Variants in MAN1C1 observed in about 807,000 individuals in gnomAD.
MAN1C1 encodes the protein mannosidase alpha class 1C member 1.
MAN1C1 carries 49 observed loss-of-function variants against 71.5 expected under a neutral mutation model. The ratio of observed to expected loss-of-function variants is 0.69; its 90% CI spans 0.54 to 0.87. MAN1C1 has a LOEUF of 0.87. MAN1C1 is among the 40% of genes least tolerant of loss of function. The pLI is 0.00. For synonymous variants in MAN1C1, 352 were observed against 343.7 expected (o/e 1.02, Z -0.27); for missense variants, 743 against 835.0 (o/e 0.89, Z 1.36).
In MAN1C1 at chr1:25,746,670, G is replaced by C; in HGVS notation, c.640G>C (p.Gly214Arg). 1 of 1,611,896 alleles carries C rather than the reference G, an allele frequency of 6.2e-7. No homozygotes were observed. The highest frequency in any genetic ancestry group is 8.5e-7 in the Non-Finnish European group (1 of 1,177,998). The change falls in exon 3 of 12, where the codon GGC (glycine) becomes CGC (arginine). Residue 214 changes from glycine (G) to arginine (R), a missense_variant and splice_region_variant. Coordinates refer to ENST00000374332, the MANE Select transcript of MAN1C1 (RefSeq NM_020379.4). This position sits in a 1 kb window ranked among gnomAD's most constrained non-coding sequence, Gnocchi z 4.0. The part of the protein sequence containing the change: ...KDGYEGNMFG[G>R]LSGATVIDSL... ...CCCTCAATGCTCTGTGCCTGCAGGA[G>C]GCCTCAGCGGGGCAACAGTCATTGA...
intron 9 of MAN1C1, among the ~76,000 whole-genome samples, chr1:25,780,054 A>G (rs2047672401): frequency 6.6e-6 from 1 of 152,164 alleles, no homozygotes; most frequent in South Asian, 2.1e-4. Flanking sequence ...ATCCAGGGTC[A>G]AGTCCCAACT....
chr1:25,669,018 C>T (rs911395368), intron 1 of MAN1C1, among the ~76,000 whole-genome samples: 2 of 152,100 alleles, frequency 1.3e-5, no homozygotes, highest in South Asian at 2.1e-4. Flanking sequence ...TGAAAGAGTC[C>T]GGGTGAGCCA....
chr1:25,684,392 C>T (rs576109274), intron 1 of MAN1C1, among the ~76,000 whole-genome samples: 3 of 152,304 alleles, frequency 2.0e-5, no homozygotes, highest in South Asian at 2.1e-4. Context: ...GTTACCATGA[C>T]GTTTGCTTGT....
At chr1:25,783,552 C>T (rs2047726095) in intron 11 of MAN1C1, 111 bp from the exon 12 acceptor site, 5 of 1,278,188 alleles carry the variant, frequency 3.9e-6, no homozygotes, top group Non-Finnish European at 5.5e-6. Flanking sequence ...AGGCTCCAGA[C>T]CTTGACCATA....
intron 1 of MAN1C1, among the ~76,000 whole-genome samples, chr1:25,677,813 A>G (rs2046090468): frequency 8.0e-6 from 1 of 124,958 alleles, no homozygotes; most frequent in Non-Finnish European, 1.6e-5. Context: ...TTGCTGGGTG[A>G]CCTTCTCTCT....
intron 6 of MAN1C1, among the ~76,000 whole-genome samples, chr1:25,762,437 T>C (rs2047374024): frequency 1.4e-5 from 1 of 69,224 alleles, no homozygotes. Context: ...CTATACCACA[T>C]TTTCTTTTCT....
At chr1:25,680,209 C>T (rs961284351) in intron 1 of MAN1C1, among the ~76,000 whole-genome samples, 2 of 151,790 alleles carry the variant, frequency 1.3e-5, no homozygotes, top group Non-Finnish European at 2.9e-5. Context: ...ATTACAGGCA[C>T]CTGCCACCAC....
chr1:25,681,222 G>A (rs1486200366), intron 1 of MAN1C1, among the ~76,000 whole-genome samples: 5 of 138,646 alleles, frequency 3.6e-5, no homozygotes, highest in South Asian at 2.2e-4. Context: ...GCAATACTCC[G>A]TCTCAAAAAA....
At chr1:25,620,965 G>A (rs950724874) in intron 1 of MAN1C1, among the ~76,000 whole-genome samples, 1 of 152,226 alleles carries the variant, frequency 6.6e-6, no homozygotes, top group Admixed American at 6.5e-5. Context: ...TTGGAACCTT[G>A]GCAAAAGCAA....
intron 11 of MAN1C1, among the ~76,000 whole-genome samples, 193 bp from the exon 12 acceptor site, chr1:25,783,470 T>C (rs2047724724): frequency 6.6e-6 from 1 of 152,040 alleles, no homozygotes; most frequent in Non-Finnish European, 1.5e-5. Context: ...GCTCAAGGCT[T>C]TTCTCTGCAG....
At chr1:25,780,550 G>A (rs1394788666) in intron 9 of MAN1C1, among the ~76,000 whole-genome samples, 1 of 152,080 alleles carries the variant, frequency 6.6e-6, no homozygotes, top group African/African-American at 2.4e-5. Flanking sequence ...TTTAACCCTC[G>A]GTTCCCCAGA....
intron 1 of MAN1C1, among the ~76,000 whole-genome samples, chr1:25,632,865 A>ATTTTTTTTTT (rs33924292): frequency 8.8e-6 from 1 of 113,102 alleles, no homozygotes. Context: ...TACAATTTTG[A>ATTTTTTTTTT]TTTTTTTTTT....
At chr1:25,712,782 C>T (rs747339566) in intron 2 of MAN1C1, among the ~76,000 whole-genome samples, 1 of 152,192 alleles carries the variant, frequency 6.6e-6, no homozygotes, top group Admixed American at 6.5e-5. Flanking sequence ...TAGGCTCCTG[C>T]ATGGCGGTGG....
At chr1:25,736,014 C>T (rs1162169712) in intron 2 of MAN1C1, among the ~76,000 whole-genome samples, 1 of 152,154 alleles carries the variant, frequency 6.6e-6, no homozygotes, top group Non-Finnish European at 1.5e-5. Flanking sequence ...GTTGAACAAC[C>T]ATCTAATTTC....
Position 25,746,802 on chromosome 1 carries a change from GC to G in MAN1C1, c.753+20del. 2 of 1,022,716 alleles carry G rather than the reference GC, an allele frequency of 2.0e-6. No individual in the cohort carries two copies. The highest frequency in any genetic ancestry group is 2.9e-6 in the Non-Finnish European group (2 of 683,526). The allele number at this position is 1,022,716 out of a possible 1,614,324, so 63.4% of individuals were successfully genotyped here. A position where few individuals can be genotyped will look rare whatever the true frequency, so the allele number is the denominator to read the frequency against. ...GAACGTGGTGAGTCAGAGGCCCTCG[GC>G]GGGGGAGGGGGGCGGGGGCCAGAAG... On this transcript the variant is annotated intron_variant, in intron 3 of 11. Transcript: ENST00000374332. This position sits in a 1 kb window ranked among gnomAD's most constrained non-coding sequence, Gnocchi z 4.0.
chr1:25,781,720 C>T (rs747203123), intron 10 of MAN1C1, among the ~76,000 whole-genome samples: 2 of 152,204 alleles, frequency 1.3e-5, no homozygotes, highest in South Asian at 4.2e-4. Flanking sequence ...GTGCCCATTC[C>T]GAGCATTGCA....
chr1:25,768,506 C>A (rs567893220), intron 7 of MAN1C1, among the ~76,000 whole-genome samples: 1 of 128,876 alleles, frequency 7.8e-6, no homozygotes, highest in South Asian at 2.9e-4. Flanking sequence ...CCCACACACC[C>A]ACACTCCCCT....
chr1:25,644,829 G>A (rs1465127036), intron 1 of MAN1C1: 1 of 152,184 alleles, frequency 6.6e-6, no homozygotes. Context: ...GCCGAGAGAT[G>A]TAGATTTAGA....
chr1:25,718,835 G>A (rs1022710182), intron 2 of MAN1C1, among the ~76,000 whole-genome samples: 1 of 152,074 alleles, frequency 6.6e-6, no homozygotes, highest in Non-Finnish European at 1.5e-5. Context: ...ATCAGTTGAT[G>A]GACATTTGGG....
Sources: allele counts gnomAD v4.1 joint callset (sites outside exome capture counted in the v4.1 genomes callset), GRCh38; gene constraint gnomAD v4.1.1; non-coding constraint Gnocchi (gnomAD v3.1); transcripts MANE v1.5; gene names NCBI Gene and HGNC (gene_info 2026-07-23, HGNC 2026-07-21).